Variants in FAXDC2 observed in about 807,000 individuals in gnomAD.
FAXDC2 encodes fatty acid hydroxylase domain-containing protein 2.
In FAXDC2, 41 loss-of-function variants were observed where a neutral mutation model predicts 40.9. The observed-to-expected ratio is 1.00, with a 90% CI of 0.78 to 1.30. The LOEUF is 1.30. Among genes scored for constraint, FAXDC2 ranks in the 50% most tolerant of loss-of-function variants. The pLI, the probability that FAXDC2 is intolerant of heterozygous loss-of-function variation, is 0.00. For missense variants in FAXDC2, 390 were observed against 408.8 expected, an observed-to-expected ratio of 0.95 and a Z score of 0.40; for synonymous variants, 157 against 149.3, an observed-to-expected ratio of 1.05 and a Z score of -0.38.
intron 1 of FAXDC2, chr5:154,838,602 T>G (rs1299560103): frequency 4.7e-6 from 1 of 212,110 alleles, no homozygotes; most frequent in Non-Finnish European, 9.3e-6. Flanking sequence ...TGGTTTGGTT[T>G]GTTCTTTTTT....
intron 7 of FAXDC2, chr5:154,821,820 G>A (rs890882542): frequency 5.5e-6 from 1 of 181,142 alleles, no homozygotes; most frequent in Non-Finnish European, 1.1e-5. Context: ...GGCCAGGTGC[G>A]ATGGCTCACT....
At chr5:154,831,753 T>C (rs1290680210) in intron 4 of FAXDC2, among the ~76,000 whole-genome samples, 1 of 152,048 alleles carries the variant, frequency 6.6e-6, no homozygotes, top group Non-Finnish European at 1.5e-5. Flanking sequence ...GTACAAACCT[T>C]CTAGAGGGCA....
intron 5 of FAXDC2, among the ~76,000 whole-genome samples, chr5:154,824,909 C>T (rs549519958): frequency 1.3e-5 from 2 of 151,836 alleles, no homozygotes; most frequent in Non-Finnish European, 2.9e-5. Flanking sequence ...GGCAACATCA[C>T]GAAACCCCAT....
chr5:154,822,132 C>T, intron 7 of FAXDC2: 1 of 219,418 alleles, frequency 4.6e-6, no homozygotes, highest in Non-Finnish European at 9.1e-6. Context: ...GAAGTGCACA[C>T]GTGTGGTCTC....
intron 3 of FAXDC2, 52 bp downstream of exon 3, chr5:154,834,791 T>C: frequency 6.3e-6 from 10 of 1,593,006 alleles, no homozygotes; most frequent in Non-Finnish European, 8.6e-6. Flanking sequence ...TCCCCTATGC[T>C]CTGCCCCCGA....
intron 5 of FAXDC2, chr5:154,830,588 C>G: frequency 2.1e-6 from 1 of 482,116 alleles, no homozygotes; most frequent in South Asian, 2.7e-5. Context: ...ATCAAGAGAC[C>G]AGAACACTGG....
chr5:154,829,303 G>C (rs983534259), intron 5 of FAXDC2, among the ~76,000 whole-genome samples: 1 of 152,232 alleles, frequency 6.6e-6, no homozygotes, highest in African/African-American at 2.4e-5. Context: ...AGCAGGAATG[G>C]ATCATAGGAA....
intron 5 of FAXDC2, chr5:154,824,280 A>G (rs373107623): frequency 1.4e-4 from 81 of 587,296 alleles, no homozygotes; most frequent in East Asian, 9.9e-4. Flanking sequence ...CAACCCTTTG[A>G]CCCTTCCCTT....
intron 5 of FAXDC2, chr5:154,824,194 A>T (rs1759962388): frequency 2.7e-6 from 1 of 370,308 alleles, no homozygotes; most frequent in South Asian, 4.9e-5. Context: ...ACCAGGGTCC[A>T]CTGTACAGAG....
Position 154,820,118 on chromosome 5 carries a change from T to C in FAXDC2, c.*198A>G, listed in dbSNP as rs755196721. On this transcript the variant is annotated 3_prime_UTR_variant, in exon 9 of 9. Coordinates refer to ENST00000326080, the MANE Select transcript of FAXDC2 (RefSeq NM_032385.5). ...TTTCTTAAGCTAACTCCTGATCCCA[T>C]TGAGGGACATCAAGGGCAGTAGTTT... is the stretch of plus-strand genomic sequence containing the variant. 1.6e-5 allele frequency: 9 copies of C among 568,182 alleles called. No individual in the cohort carries two copies. Among genetic ancestry groups the C allele is most frequent in the Non-Finnish European group, 2.9e-5 (9 of 307,338 alleles). The allele number at this position is 568,182 out of a possible 1,614,324, so 35.2% of individuals were successfully genotyped here.
intron 5 of FAXDC2, among the ~76,000 whole-genome samples, chr5:154,828,724 C>G (rs1189538810): frequency 1.3e-5 from 2 of 151,344 alleles, no homozygotes; most frequent in African/African-American, 4.9e-5. Context: ...GACCTCCTGA[C>G]TAGCTGAGAC....
At chr5:154,827,421 T>TTGTG (rs10528622) in intron 5 of FAXDC2, among the ~76,000 whole-genome samples, 23,626 of 138,448 alleles carry the variant, frequency 0.17, 2,084 homozygotes, top group South Asian at 0.22. Context: ...TTCTGTTATT[T>TTGTG]TGTGTGTGTG....
At chr5:154,840,534 T>G (rs1318610195) in intron 1 of FAXDC2, among the ~76,000 whole-genome samples, 1 of 152,042 alleles carries the variant, frequency 6.6e-6, no homozygotes, top group South Asian at 2.1e-4. Flanking sequence ...TCATTCACAT[T>G]TCTTTTTTTT....
At chr5:154,839,731 T>C (rs1329498183) in intron 1 of FAXDC2, among the ~76,000 whole-genome samples, 1 of 152,180 alleles carries the variant, frequency 6.6e-6, no homozygotes, top group Non-Finnish European at 1.5e-5. Context: ...TTTTGGACCA[T>C]ATGAATGTAC....
intron 1 of FAXDC2, among the ~76,000 whole-genome samples, chr5:154,848,435 C>T (rs1760654509): frequency 6.6e-6 from 1 of 152,248 alleles, no homozygotes; most frequent in East Asian, 1.9e-4. Flanking sequence ...TAAGAAATGA[C>T]ACAGGGAGAG....
chr5:154,826,906 A>C (rs1218648065), intron 5 of FAXDC2, among the ~76,000 whole-genome samples: 1 of 152,166 alleles, frequency 6.6e-6, no homozygotes, highest in African/African-American at 2.4e-5. Flanking sequence ...AAATATTTAA[A>C]ATTGGTGAAT....
Position 154,834,950 on chromosome 5 carries a change from G to A in FAXDC2, c.49-16C>T, listed in dbSNP as rs1411671422. The A allele has an allele frequency of 3.9e-6, 6 of 1,528,258 alleles. No homozygotes were observed. The highest frequency in any genetic ancestry group is 5.4e-6 in the Non-Finnish European group (6 of 1,114,954). The allele number at this position is 1,528,258 out of a possible 1,614,324, so 94.7% of individuals were successfully genotyped here. A position where few individuals can be genotyped will look rare whatever the true frequency, so the allele number is the denominator to read the frequency against. ...TGTGTCCCTCCTGGAGGAGGGCAGGGAAGTGTCAGACCCCAGCAAGCCTCC... is the reference window on the plus strand; with the variant it reads ...TGTGTCCCTCCTGGAGGAGGGCAGGAAAGTGTCAGACCCCAGCAAGCCTCC... On this transcript the variant is annotated splice_polypyrimidine_tract_variant and intron_variant, in intron 2 of 8. Coordinates refer to ENST00000326080, the MANE Select transcript of FAXDC2 (RefSeq NM_032385.5).
chr5:154,842,826 G>T (rs540750946), intron 1 of FAXDC2, among the ~76,000 whole-genome samples: 1 of 150,866 alleles, frequency 6.6e-6, no homozygotes, highest in African/African-American at 2.4e-5. Context: ...CACTGCACCC[G>T]GCCCTTTTTT....
At chr5:154,822,383 G>A (rs1328225989) in intron 7 of FAXDC2, 89 bp downstream of exon 7, 15 of 840,060 alleles carry the variant, frequency 1.8e-5, no homozygotes, top group Admixed American at 4.1e-5. Flanking sequence ...AAAAAGGGCC[G>A]GTGTGGTCTA....
Sources: gnomAD v4.1 joint callset for allele counts (sites outside exome capture counted in the v4.1 genomes callset) on GRCh38, gnomAD v4.1.1 for gene constraint, MANE v1.5 for transcripts, NCBI Gene and HGNC (gene_info 2026-07-23, HGNC 2026-07-21) for gene names.